Variants in AGMO observed in about 807,000 individuals in gnomAD.
AGMO encodes alkylglycerol monooxygenase, also known as glyceryl-ether monooxygenase.
In AGMO, 75 loss-of-function variants were observed where a neutral mutation model predicts 60.2. The observed-to-expected ratio is 1.25, with a 90% CI of 1.03 to 1.51. The LOEUF (loss-of-function observed/expected upper bound fraction) is 1.51, where lower values mean the gene tolerates loss of function less well. Ranked by LOEUF, AGMO falls within the 40% of genes most tolerant of loss-of-function variation. The pLI is 0.00. For synonymous variants in AGMO, 261 were observed against 177.1 expected, an observed-to-expected ratio of 1.47 and a Z score of -3.76; for missense variants, 763 against 525.5, an observed-to-expected ratio of 1.45 and a Z score of -4.42.
At chr7:15,398,232 G>A (rs968777272) in intron 5 of AGMO, among the ~76,000 whole-genome samples, 2 of 152,150 alleles carry the variant, frequency 1.3e-5, no homozygotes, top group Non-Finnish European at 2.9e-5. Context: ...CACACAAATG[G>A]TGAGTGCATG....
At chr7:15,394,230 G>A (rs369105012) in intron 5 of AGMO, 51 bp from the exon 6 acceptor site, 10 of 1,279,030 alleles carry the variant, frequency 7.8e-6, no homozygotes, top group African/African-American at 4.4e-5. Flanking sequence ...TTAAATGTGT[G>A]TTAGTATATA....
At chr7:15,457,172 AAC>A (rs1231369646) in intron 3 of AGMO, among the ~76,000 whole-genome samples, 1 of 152,178 alleles carries the variant, frequency 6.6e-6, no homozygotes, top group Non-Finnish European at 1.5e-5. Flanking sequence ...TTAATTTTCA[AAC>A]ACAGAACAGG....
At chr7:15,230,759 C>A (rs574826998) in intron 12 of AGMO, among the ~76,000 whole-genome samples, 1 of 152,216 alleles carries the variant, frequency 6.6e-6, no homozygotes, top group African/African-American at 2.4e-5. Flanking sequence ...TCTCACTCCT[C>A]GCTCTTCCCC....
At chr7:15,373,645 A>T (rs1043278478) in intron 10 of AGMO, among the ~76,000 whole-genome samples, 3 of 152,126 alleles carry the variant, frequency 2.0e-5, no homozygotes, top group Non-Finnish European at 4.4e-5. Context: ...CTCACAAAGG[A>T]GGTATCAAAC....
chr7:15,541,546 C>T (rs780416819), intron 3 of AGMO, among the ~76,000 whole-genome samples: 3 of 152,122 alleles, frequency 2.0e-5, no homozygotes, highest in Non-Finnish European at 4.4e-5. Context: ...ATTGTATTGC[C>T]TTTGCTTGGT....
the AGMO span, among the ~76,000 whole-genome samples, chr7:15,121,431 CCCA>C: frequency 6.6e-6 from 1 of 152,108 alleles, no homozygotes; most frequent in East Asian, 1.9e-4. Flanking sequence ...AATTTACACT[CCCA>C]CCAACAGTGT....
At chr7:15,259,899 C>CAAAAAA (rs71549927) in intron 12 of AGMO, among the ~76,000 whole-genome samples, 4 of 9,410 alleles carry the variant, frequency 4.3e-4, no homozygotes, top group African/African-American at 2.0e-3. Context: ...ACAAGAACTG[C>CAAAAAA]AAAAAAAAAA....
At position 15,432,903 on chromosome 7, in the gene AGMO, T is replaced by A. The variant is rs191053149; in HGVS notation, c.410-1795A>T. On this transcript the variant is annotated intron_variant, in intron 3 of 12. Transcript: ENST00000342526. The stretch of plus-strand genomic sequence containing the variant: ...CCTTGTGGCACTTTATATCTTCAGA[T>A]GTTAGGTGGACGTTGAATAAGAGGT... Among the ~76,000 whole-genome samples, 321 of 152,136 alleles carry A rather than the reference T, an allele frequency of 2.1e-3. 1 individual carries two copies. Among genetic ancestry groups the A allele is most frequent in the African/African-American group, 7.1e-3 (297 of 41,562 alleles).
intron 12 of AGMO, among the ~76,000 whole-genome samples, chr7:15,214,324 G>T (rs73679447): frequency 7.8e-4 from 119 of 152,106 alleles, no homozygotes; most frequent in African/African-American, 2.8e-3. Context: ...CTGGAGAAAT[G>T]TGTTAATAAT....
intron 12 of AGMO, among the ~76,000 whole-genome samples, chr7:15,344,902 T>G (rs1781979136): frequency 6.6e-6 from 1 of 152,174 alleles, no homozygotes; most frequent in African/African-American, 2.4e-5. Context: ...TAGATTTATC[T>G]CCCTGTGGAG....
the AGMO span, among the ~76,000 whole-genome samples, chr7:15,137,076 C>T: frequency 3.9e-5 from 6 of 152,228 alleles, no homozygotes; most frequent in South Asian, 4.1e-4. Context: ...GTTTACATTC[C>T]GCAGTTGGTT....
chr7:15,390,043 T>G (rs190749745), intron 8 of AGMO, among the ~76,000 whole-genome samples: 54 of 152,278 alleles, frequency 3.5e-4, no homozygotes, highest in Non-Finnish European at 5.9e-4. Context: ...TTTTCTCATT[T>G]ATGAGTGCCT....
At chr7:15,353,635 T>C (rs576060741) in intron 12 of AGMO, among the ~76,000 whole-genome samples, 34 of 152,238 alleles carry the variant, frequency 2.2e-4, no homozygotes, top group Admixed American at 5.2e-4. Flanking sequence ...AACACCTATG[T>C]TCTGATGATT....
intron 6 of AGMO, among the ~76,000 whole-genome samples, chr7:15,392,658 A>C (rs4721431): frequency 2.0e-5 from 3 of 151,652 alleles, no homozygotes; most frequent in Non-Finnish European, 1.5e-5. Flanking sequence ...AATTAACCAC[A>C]CGTGGTGGCT....
chr7:15,118,033 A>C, the AGMO span, among the ~76,000 whole-genome samples: 1 of 152,012 alleles, frequency 6.6e-6, no homozygotes, highest in Non-Finnish European at 1.5e-5. Context: ...AATACAAAAG[A>C]AATTTTCTTA....
chr7:15,393,792 G>C (rs1435291022), intron 6 of AGMO, among the ~76,000 whole-genome samples: 3 of 152,158 alleles, frequency 2.0e-5, no homozygotes, highest in African/African-American at 7.2e-5. Flanking sequence ...AGTAGCCTTT[G>C]ACAGAATCCT....
At chr7:15,271,943 A>T (rs1783623297) in intron 12 of AGMO, among the ~76,000 whole-genome samples, 1 of 152,000 alleles carries the variant, frequency 6.6e-6, no homozygotes, top group Admixed American at 6.6e-5. Context: ...TTTGTTTCTA[A>T]TTGAGTTTAT....
chr7:15,396,840 T>A (rs1157653011), intron 5 of AGMO, among the ~76,000 whole-genome samples: 1 of 152,192 alleles, frequency 6.6e-6, no homozygotes, highest in Non-Finnish European at 1.5e-5. Flanking sequence ...GAGTGCTGAG[T>A]GGTGCGTTTA....
Position 15,286,155 on chromosome 7 carries a change from C to G in AGMO, c.1263+79359G>C, listed in dbSNP as rs139310696. On this transcript the variant is annotated intron_variant, in intron 12 of 12. Coordinates refer to ENST00000342526, the MANE Select transcript of AGMO (RefSeq NM_001004320.2). ...TAGCCTAGAAAAAAGCTCTTTTGGA[C>G]ATTGGTCTAGGAAAATAATTTATGA... Among the ~76,000 whole-genome samples, 541 of 152,058 alleles carry G rather than the reference C, an allele frequency of 3.6e-3. 1 individual carries two copies. The highest frequency in any genetic ancestry group is 5.3e-3 in the Non-Finnish European group (361 of 67,924).
Sources: allele counts gnomAD v4.1 joint callset (sites outside exome capture counted in the v4.1 genomes callset), GRCh38; gene constraint gnomAD v4.1.1; transcripts MANE v1.5; gene names NCBI Gene and HGNC (gene_info 2026-07-23, HGNC 2026-07-21).